NPRL3: variants seen among roughly 807,000 people sequenced by gnomAD.
NPRL3 encodes GATOR1 complex protein NPRL3.
NPRL3 carries 23 observed loss-of-function variants against 57.2 expected under a neutral mutation model. That is an observed-to-expected ratio of 0.40 (90% CI 0.29 to 0.57). The LOEUF is 0.57. Among genes scored for constraint, NPRL3 ranks in the 20% least tolerant of loss-of-function variants. NPRL3 has a pLI of 0.42. For missense variants in NPRL3, 691 were observed against 767.1 expected, an observed-to-expected ratio of 0.90 and a Z score of 1.17; for synonymous variants, 333 against 321.1, an observed-to-expected ratio of 1.04 and a Z score of -0.39.
At chr16:137,893 C>T (rs781230400) in intron 2 of NPRL3, among the ~76,000 whole-genome samples, 3 of 152,098 alleles carry the variant, frequency 2.0e-5, no homozygotes, top group Non-Finnish European at 2.9e-5. Context: ...GAATACATCC[C>T]AAACTCATTT....
intron 8 of NPRL3, among the ~76,000 whole-genome samples, chr16:98,861 C>T (rs1220754607): frequency 6.6e-6 from 1 of 152,172 alleles, no homozygotes; most frequent in African/African-American, 2.4e-5. Context: ...TCACTTGAGC[C>T]TGGGAGGCGG....
chr16:109,990 C>T (rs1326311091), intron 7 of NPRL3, among the ~76,000 whole-genome samples: 1 of 53,262 alleles, frequency 1.9e-5, no homozygotes, highest in Non-Finnish European at 3.4e-5. Context: ...TAAAAAACAG[C>T]CACTGGCCGG....
At chr16:98,873 G>A (rs1295846804) in intron 8 of NPRL3, among the ~76,000 whole-genome samples, 1 of 152,188 alleles carries the variant, frequency 6.6e-6, no homozygotes, top group East Asian at 1.9e-4. Context: ...GGGAGGCGGA[G>A]CTTGCAGTGA....
chr16:123,127 G>C (rs371458688), intron 3 of NPRL3, among the ~76,000 whole-genome samples: 1 of 152,184 alleles, frequency 6.6e-6, no homozygotes, highest in South Asian at 2.1e-4. Flanking sequence ...AACAGTCACA[G>C]GTCTCTCTAG....
At chr16:101,788 T>C (rs1899310637) in intron 7 of NPRL3, among the ~76,000 whole-genome samples, 1 of 152,210 alleles carries the variant, frequency 6.6e-6, no homozygotes, top group South Asian at 2.1e-4. Flanking sequence ...GCCCTGGCAT[T>C]TGCCCTTGCC....
At chr16:117,206 C>T in intron 5 of NPRL3, 95 bp downstream of exon 5, 2 of 861,024 alleles carry the variant, frequency 2.3e-6, no homozygotes, top group South Asian at 1.6e-5. Flanking sequence ...CCGCTGCAGT[C>T]CAAGCTCCGA....
intron 2 of NPRL3, among the ~76,000 whole-genome samples, chr16:135,523 C>T (rs1447235196): frequency 1.3e-5 from 2 of 149,574 alleles, no homozygotes; most frequent in Non-Finnish European, 1.5e-5. Context: ...ACAGGAGAAT[C>T]GCTTGAACCC....
chr16:90,225 C>A (rs774498096), intron 11 of NPRL3: 3 of 337,886 alleles, frequency 8.9e-6, no homozygotes. Context: ...GCTGAGCAAA[C>A]CCCCCACCCT....
Position 92,635 on chromosome 16 carries a change from CAAG to C in NPRL3, c.1119_1121del (p.Leu374del), listed in dbSNP as rs1898809404. On this transcript the variant is annotated inframe_deletion, in exon 11 of 14. Transcript: ENST00000611875. ...GGGCCAGGGGATTCCTAAATTCTGA[CAAG>C]GAGACCGGCAAGGAGAACTTGGCAA... 2 of 1,613,678 alleles carry C rather than the reference CAAG, an allele frequency of 1.2e-6. No homozygotes were observed. Among genetic ancestry groups the C allele is most frequent in the Non-Finnish European group, 1.7e-6 (2 of 1,179,756 alleles).
At chr16:136,411 T>C (rs984205776) in intron 2 of NPRL3, among the ~76,000 whole-genome samples, 11 of 152,154 alleles carry the variant, frequency 7.2e-5, no homozygotes, top group Non-Finnish European at 2.9e-5. Flanking sequence ...AAGTGCAGGC[T>C]GGGCGCGGTG....
At chr16:109,656 A>T (rs1038442149) in intron 7 of NPRL3, among the ~76,000 whole-genome samples, 7 of 151,944 alleles carry the variant, frequency 4.6e-5, no homozygotes, top group Non-Finnish European at 1.0e-4. Context: ...GGTTTAAAAA[A>T]GCAAAGGTAC....
intron 7 of NPRL3, among the ~76,000 whole-genome samples, chr16:103,369 G>A (rs1899393021): frequency 7.8e-6 from 1 of 127,756 alleles, no homozygotes; most frequent in African/African-American, 3.1e-5. Context: ...TCAAACTCCT[G>A]GGCTCAAGCG....
intron 3 of NPRL3, 110 bp downstream of exon 3, chr16:130,411 CA>C: frequency 4.4e-6 from 2 of 451,056 alleles, no homozygotes; most frequent in Non-Finnish European, 6.2e-6. Flanking sequence ...CGGAAAAAAA[CA>C]AACACCAGAC....
chr16:92,781 A>G, intron 10 of NPRL3, 56 bp from the exon 11 acceptor site: 1 of 1,600,356 alleles, frequency 6.2e-7, no homozygotes, highest in East Asian at 2.3e-5. Context: ...CGTGTTCTCA[A>G]CACTGGCCTC....
At chr16:89,949 T>G in intron 11 of NPRL3, 47 bp from the exon 12 acceptor site, 1 of 1,498,362 alleles carries the variant, frequency 6.7e-7, no homozygotes, top group Non-Finnish European at 9.0e-7. Flanking sequence ...CACTCCAACT[T>G]CCTCCTGGGT....
chr16:137,854 G>C (rs949355451), intron 2 of NPRL3, among the ~76,000 whole-genome samples: 31 of 151,938 alleles, frequency 2.0e-4, no homozygotes, highest in African/African-American at 7.5e-4. Flanking sequence ...CACCGGCCTT[G>C]TTCGTGTAAT....
At chr16:94,710 C>T (rs906665344) in intron 9 of NPRL3, among the ~76,000 whole-genome samples, 2 of 152,142 alleles carry the variant, frequency 1.3e-5, no homozygotes, top group Admixed American at 6.5e-5. Flanking sequence ...CAAGATTGTG[C>T]GAGTAGTGCC....
intron 10 of NPRL3, chr16:92,992 G>C: frequency 1.6e-6 from 1 of 613,336 alleles, no homozygotes. Flanking sequence ...CCTGGAGGAG[G>C]GGGCCAGGCA....
intron 8 of NPRL3, among the ~76,000 whole-genome samples, chr16:98,755 T>C (rs113934050): frequency 0.019 from 2,828 of 152,282 alleles, 86 homozygotes; most frequent in African/African-American, 0.064. Context: ...CTGGCCAACA[T>C]GGTGAAACCC....
Sources: gnomAD v4.1 joint callset for allele counts (sites outside exome capture counted in the v4.1 genomes callset) on GRCh38, gnomAD v4.1.1 for gene constraint, MANE v1.5 for transcripts, NCBI Gene and HGNC (gene_info 2026-07-23, HGNC 2026-07-21) for gene names.